The following PRPF39 variants were observed in gnomAD, a reference collection of about 807,000 sequenced individuals.
PRPF39 encodes pre-mRNA processing factor 39, also known as pre-mRNA-processing factor 39.
A neutral mutation model predicts 82.1 loss-of-function variants in PRPF39; 27 were observed. That is an observed-to-expected ratio of 0.33 (90% CI 0.24 to 0.45). The LOEUF (loss-of-function observed/expected upper bound fraction) is 0.45. PRPF39 is among the 20% of genes least tolerant of loss of function. The probability of loss-of-function intolerance (pLI) is 1.00; values close to 1 mark genes in which losing one functional copy is unlikely to be tolerated. For missense variants in PRPF39, 581 were observed against 796.9 expected (o/e 0.73, Z 3.26); for synonymous variants, 261 against 256.4 (o/e 1.02, Z -0.17).
At chr14:45,086,992 TA>T (rs1234913810) in intron 1 of PRPF39, among the ~76,000 whole-genome samples, 1 of 152,106 alleles carries the variant, frequency 6.6e-6, no homozygotes, top group African/African-American at 2.4e-5. Context: ...TTTCTACATT[TA>T]AAAAATGAGA....
chr14:45,093,062 C>T (rs73349857), intron 1 of PRPF39, among the ~76,000 whole-genome samples: 25,575 of 151,990 alleles, frequency 0.17, 4,146 homozygotes, highest in African/African-American at 0.42. Context: ...ACACCAGCTG[C>T]CAGTTTTGTA....
At chr14:45,102,485 A>AT (rs777296120) in intron 4 of PRPF39, 44 bp from the exon 5 acceptor site, 2 of 1,459,158 alleles carry the variant, frequency 1.4e-6, no homozygotes, top group African/African-American at 1.4e-5. Flanking sequence ...TTTAAAAGTG[A>AT]TTTTATCTTG....
intron 11 of PRPF39, among the ~76,000 whole-genome samples, chr14:45,113,301 A>G (rs1884746809): frequency 6.6e-6 from 1 of 152,248 alleles, no homozygotes; most frequent in African/African-American, 2.4e-5. Context: ...ATTAATGTAT[A>G]TATTTGCGTG....
At chr14:45,112,529 T>A (rs1884725328) in intron 11 of PRPF39, 27 bp downstream of exon 11, 1 of 1,429,982 alleles carries the variant, frequency 7.0e-7, no homozygotes, top group East Asian at 2.5e-5. Context: ...ATTACCTATT[T>A]GAATGATAAA....
Position 45,110,978 on chromosome 14 carries a change from T to C in PRPF39, c.1572+161T>C, listed in dbSNP as rs1053965862. On this transcript the variant is annotated intron_variant, in intron 10 of 13. Coordinates refer to ENST00000355765, the MANE Select transcript of PRPF39 (RefSeq NM_017922.4). This position sits in a 1 kb window ranked among gnomAD's most constrained non-coding sequence, Gnocchi z 4.0. ...TAAACTGATGTTGCCATTTAAAAATTTTTTTCAAATTGTTTTGAATTAAAA... is the reference window on the plus strand; with the variant it reads ...TAAACTGATGTTGCCATTTAAAAATCTTTTTCAAATTGTTTTGAATTAAAA... 2.8e-6 allele frequency: 2 copies of C among 716,022 alleles called. No individual in the cohort carries two copies. The highest frequency in any genetic ancestry group is 6.3e-5 in the Admixed American group (2 of 31,896). 44.4% of individuals were successfully genotyped at this position (716,022 alleles called of 1,614,324 possible).
chr14:45,108,672 T>C (rs1884612232), intron 7 of PRPF39, 150 bp downstream of exon 7: 1 of 1,162,018 alleles, frequency 8.6e-7, no homozygotes, highest in Non-Finnish European at 1.1e-6. Context: ...ATTGTAATCA[T>C]TATCAGTTTT....
intron 5 of PRPF39, 143 bp from the exon 6 acceptor site, chr14:45,107,308 C>T (rs2139060587): frequency 1.6e-6 from 1 of 621,068 alleles, no homozygotes; most frequent in Middle Eastern, 4.5e-4. Context: ...TAGGATTTTA[C>T]TATAGAAAAG....
intron 10 of PRPF39, among the ~76,000 whole-genome samples, chr14:45,111,658 T>TTC (rs1555355929): frequency 2.8e-5 from 4 of 143,388 alleles, no homozygotes; most frequent in African/African-American, 8.0e-5. Context: ...TTTTTTTTTT[T>TTC]GAGACAGAGT....
chr14:45,085,456 A>C (rs1883792283), intron 1 of PRPF39, among the ~76,000 whole-genome samples: 2 of 152,222 alleles, frequency 1.3e-5, no homozygotes, highest in Non-Finnish European at 2.9e-5. Context: ...CAAATGATAA[A>C]AATTGTATGT....
At chr14:45,113,155 T>C (rs772270995) in intron 11 of PRPF39, among the ~76,000 whole-genome samples, 1 of 152,258 alleles carries the variant, frequency 6.6e-6, no homozygotes, top group Admixed American at 6.5e-5. Context: ...TAGATTTCTG[T>C]TGAAACCACT....
chr14:45,115,991 G>C lies in PRPF39; in HGVS notation c.*1078G>C, dbSNP rs1884823978. 3.7e-6 allele frequency: 2 copies of C among 535,340 alleles called. No individual in the cohort carries two copies. Among genetic ancestry groups the C allele is most frequent in the South Asian group, 5.0e-5 (2 of 40,392 alleles). The allele number at this position is 535,340 out of a possible 1,614,324, so 33.2% of individuals were successfully genotyped here. A position where few individuals can be genotyped will look rare whatever the true frequency, so the allele number is the denominator to read the frequency against. ...TTCTCCTTGACCAGTATTTTACACA[G>C]CTGTAGGAAAGTATTTTAGACCAGG... On this transcript the variant is annotated 3_prime_UTR_variant, in exon 14 of 14. Coordinates refer to ENST00000355765, the MANE Select transcript of PRPF39 (RefSeq NM_017922.4).
chr14:45,110,405 C>A lies in PRPF39; in HGVS notation c.1304-144C>A. ...GTAAGCCATTGTAGCCCCGAAACAGCCATAGGCAGTGTGTAAATATGCATG... is the reference window on the plus strand; with the variant it reads ...GTAAGCCATTGTAGCCCCGAAACAGACATAGGCAGTGTGTAAATATGCATG... On this transcript the variant is annotated intron_variant, in intron 9 of 13. Transcript: ENST00000355765. This position sits in a 1 kb window ranked among gnomAD's most constrained non-coding sequence, Gnocchi z 4.0. 1 of 1,199,762 alleles carries A rather than the reference C, an allele frequency of 8.3e-7. No individual in the cohort carries two copies. Among genetic ancestry groups the A allele is most frequent in the Non-Finnish European group, 1.2e-6 (1 of 868,166 alleles). 74.3% of individuals were successfully genotyped at this position (1,199,762 alleles called of 1,614,324 possible).
At chr14:45,097,411 A>C (rs991520637) in intron 4 of PRPF39, among the ~76,000 whole-genome samples, 1 of 152,106 alleles carries the variant, frequency 6.6e-6, no homozygotes, top group Non-Finnish European at 1.5e-5. Flanking sequence ...AAAGTACTCT[A>C]TTTCACCAAA....
Position 45,110,661 on chromosome 14 carries a change from A to G in PRPF39, c.1416A>G (p.Glu472=). Residue 472 remains glutamate, a synonymous_variant, in exon 10 of 14, where the codon GAA becomes GAG. Coordinates refer to ENST00000355765, the MANE Select transcript of PRPF39 (RefSeq NM_017922.4). This position sits in a 1 kb window ranked among gnomAD's most constrained non-coding sequence, Gnocchi z 4.0. ...VSLERRHGNL[E]EAEHLLQDAI... is the part of the protein sequence containing the mutation. ...TAGAACGACGGCATGGAAATCTGGA[A>G]GAAGCTGAACATTTGCTTCAGGATG... The G allele has an allele frequency of 6.3e-7, 1 of 1,576,984 alleles. No homozygotes were observed. The highest frequency in any genetic ancestry group is 8.6e-7 in the Non-Finnish European group (1 of 1,159,878).
chr14:45,112,007 GTTTTC>G (rs1353321200), intron 10 of PRPF39, among the ~76,000 whole-genome samples: 1 of 151,850 alleles, frequency 6.6e-6, no homozygotes, highest in Non-Finnish European at 1.5e-5. Context: ...TTTATGTTTT[GTTTTC>G]TAATTGTCAT....
At position 45,112,301 on chromosome 14, in the gene PRPF39, T is replaced by A; in HGVS notation, c.1573-17T>A. 6.5e-7 allele frequency: 1 copy of A among 1,542,230 alleles called. No individual in the cohort carries two copies. Among genetic ancestry groups the A allele is most frequent in the Non-Finnish European group, 8.7e-7 (1 of 1,153,944 alleles). Reference sequence around the variant, plus strand: ...AAAATATTTTAGAAATATTCATTGATGCTGCTTTTTACACAGGAGAACACA... The same window carrying A: ...AAAATATTTTAGAAATATTCATTGAAGCTGCTTTTTACACAGGAGAACACA... On this transcript the variant is annotated splice_polypyrimidine_tract_variant and intron_variant, in intron 10 of 13. Transcript: ENST00000355765.
Position 45,114,385 on chromosome 14 carries a change from T to C in PRPF39, c.1833-109T>C, listed in dbSNP as rs532257936. 6 of 1,355,968 alleles carry C rather than the reference T, an allele frequency of 4.4e-6. No individual in the cohort carries two copies. In the South Asian group the frequency reaches 7.4e-5, roughly 17 times the overall value. 84.0% of individuals were successfully genotyped at this position (1,355,968 alleles called of 1,614,324 possible). A position where few individuals can be genotyped will look rare whatever the true frequency, so the allele number is the denominator to read the frequency against. ...TTATTTTCATGATTTGAAAAAGTCT[T>C]GAGTGATTCAGAACTTCAGTAAAAC... On this transcript the variant is annotated intron_variant, in intron 12 of 13. Coordinates refer to ENST00000355765, the MANE Select transcript of PRPF39 (RefSeq NM_017922.4).
At chr14:45,109,937 A>G in intron 8 of PRPF39, 157 bp downstream of exon 8, 2 of 1,530,630 alleles carry the variant, frequency 1.3e-6, no homozygotes, top group Non-Finnish European at 1.7e-6. Flanking sequence ...GCATATGCCA[A>G]CCTCGTTGCC....
intron 10 of PRPF39, chr14:45,111,072 G>T: frequency 2.4e-6 from 1 of 417,022 alleles, no homozygotes; most frequent in Non-Finnish European, 4.3e-6. Flanking sequence ...TTTCCCTTTA[G>T]AAATTATCAA....
Sources: allele counts gnomAD v4.1 joint callset (sites outside exome capture counted in the v4.1 genomes callset), GRCh38; gene constraint gnomAD v4.1.1; non-coding constraint Gnocchi (gnomAD v3.1); transcripts MANE v1.5; gene names NCBI Gene and HGNC (gene_info 2026-07-23, HGNC 2026-07-21).